Variants in RAET1G observed in about 807,000 individuals in gnomAD.
The protein encoded by RAET1G is UL-16 binding protein 5.
Under a neutral mutation model 29.5 loss-of-function variants are expected in RAET1G, and 25 were observed. The ratio of observed to expected loss-of-function variants is 0.85; its 90% confidence interval spans 0.62 to 1.18. RAET1G has a LOEUF of 1.18. RAET1G is among the 50% of genes most tolerant of loss of function. The pLI, the probability that RAET1G is intolerant of heterozygous loss-of-function variation, is 0.00. For missense variants in RAET1G, 434 were observed against 423.6 expected (o/e 1.02, Z -0.22); for synonymous variants, 167 against 159.5 (o/e 1.05, Z -0.36).
Position 149,918,381 on chromosome 6 carries a change from G to A in RAET1G, c.635C>T (p.Pro212Leu). Residue 212 changes from proline to leucine, a missense_variant, in exon 4 of 5, where the codon CCA (proline) becomes CTA (leucine). By Grantham distance (98) the Pro-to-Leu change is moderately conservative. Transcript: ENST00000367360. ...GGCTGTGCCTGAGGACATGGTGGGT[G>A]GTGCTGAAATGGAAGCACAAGAGTG... ...DSTLEPSAGA[P>L]PTMSSGTAQP... 1.2e-6 allele frequency: 2 copies of A among 1,614,050 alleles called. No individual in the cohort carries two copies. Among genetic ancestry groups the A allele is most frequent in the Non-Finnish European group, 1.7e-6 (2 of 1,179,926 alleles).
chr6:149,919,873 T>C, intron 1 of RAET1G, 57 bp from the exon 2 acceptor site: 5 of 1,611,848 alleles, frequency 3.1e-6, no homozygotes, highest in Non-Finnish European at 4.2e-6. Context: ...TAGATACCCC[T>C]CCTCCACACT....
intron 1 of RAET1G, among the ~76,000 whole-genome samples, chr6:149,921,458 G>T (rs565348487): frequency 6.6e-6 from 1 of 152,226 alleles, no homozygotes; most frequent in Admixed American, 6.5e-5. Context: ...TGCCCATTAC[G>T]GGTGGGCTCC....
rs768283604 is a variant in RAET1G, at chr6:149,916,908, A to G, written c.*4T>C. On this transcript the variant is annotated 3_prime_UTR_variant, in exon 5 of 5. Transcript: ENST00000367360. Reference sequence around the variant, plus strand: ...AAGAAAAGACAGCTGGGCCCAGGGAACCATCAAGATATGGAGACCTGTAGT... The same window carrying G: ...AAGAAAAGACAGCTGGGCCCAGGGAGCCATCAAGATATGGAGACCTGTAGT... 9.3e-6 allele frequency: 14 copies of G among 1,506,906 alleles called. No individual in the cohort carries two copies. The African/African-American group carries it at 1.7e-4, about 18-fold the overall frequency. 93.3% of individuals were successfully genotyped at this position (1,506,906 alleles called of 1,614,324 possible).
At chr6:149,919,937 T>C (rs1388412845) in intron 1 of RAET1G, 121 bp from the exon 2 acceptor site, 40 of 1,593,132 alleles carry the variant, frequency 2.5e-5, no homozygotes, top group Middle Eastern at 2.3e-4. Flanking sequence ...AAGGAGTGCC[T>C]CCTCCAGAAC....
Position 149,919,585 on chromosome 6 carries a change from A to C in RAET1G, c.317T>G (p.Leu106Arg), listed in dbSNP as rs759946005. The C allele has an allele frequency of 3.3e-5, 54 of 1,613,872 alleles. No homozygotes were observed. The highest frequency in any genetic ancestry group is 4.4e-5 in the South Asian group (4 of 91,080). Residue 106 changes from leucine to arginine, a missense_variant, in exon 2 of 5, where the codon CTT (leucine) becomes CGT (arginine). Coordinates refer to ENST00000367360, the MANE Select transcript of RAET1G (RefSeq NM_001001788.4). ...TATGTAATTCTCCAGCTGAATGTCA[A>C]GCAGTTGCTCTGTAAGTATGTCCAC... ...EVVDILTEQL[L>R]DIQLENYIPK...
intron 3 of RAET1G, 56 bp from the exon 4 acceptor site, chr6:149,918,440 TG>T: frequency 6.5e-7 from 1 of 1,546,760 alleles, no homozygotes; most frequent in South Asian, 1.1e-5. Context: ...TCTGAGGAGA[TG>T]CCTCCTCAGC....
intron 4 of RAET1G, 94 bp from the exon 5 acceptor site, chr6:149,917,168 A>G: frequency 7.0e-7 from 1 of 1,426,074 alleles, no homozygotes; most frequent in Non-Finnish European, 9.2e-7. Flanking sequence ...ACCGCTATCT[A>G]GAAGGCGGAG....
chr6:149,917,106 C>A, intron 4 of RAET1G, 32 bp from the exon 5 acceptor site: 1 of 1,516,826 alleles, frequency 6.6e-7, no homozygotes, highest in South Asian at 1.3e-5. Flanking sequence ...CAGCTTACGT[C>A]ATTGTTTCTT....
chr6:149,923,119 A>C lies in RAET1G; in HGVS notation c.-109T>G, dbSNP rs73782150. On this transcript the variant is annotated 5_prime_UTR_variant, in exon 1 of 5. Transcript: ENST00000367360. ...CCGTCTGAATGCAGCCCTAAACTCCAGTAAGCCCTAAACTCTAGCACTCCT... is the reference window on the plus strand; with the variant it reads ...CCGTCTGAATGCAGCCCTAAACTCCCGTAAGCCCTAAACTCTAGCACTCCT... The C allele has an allele frequency of 0.011, 8,388 of 729,756 alleles. 545 individuals carry two copies. The African/African-American group carries it at 0.14, about 12-fold the overall frequency. 45.2% of individuals were successfully genotyped at this position (729,756 alleles called of 1,614,324 possible). A position where few individuals can be genotyped will look rare whatever the true frequency, so the allele number is the denominator to read the frequency against.
chr6:149,920,751 C>G (rs146529055), intron 1 of RAET1G, among the ~76,000 whole-genome samples: 2,116 of 152,300 alleles, frequency 0.014, 21 homozygotes, highest in Middle Eastern at 0.051. Flanking sequence ...ACAATGCCAG[C>G]TGGAGACCTC....
chr6:149,917,139 T>G (rs1345225585), intron 4 of RAET1G, 65 bp from the exon 5 acceptor site: 15 of 1,456,728 alleles, frequency 1.0e-5, no homozygotes, highest in Non-Finnish European at 1.3e-5. Context: ...CGGACTTCAA[T>G]ACTTTCACTA....
At chr6:149,918,443 C>T in intron 3 of RAET1G, 59 bp from the exon 4 acceptor site, 1 of 1,548,148 alleles carries the variant, frequency 6.5e-7, no homozygotes, top group Non-Finnish European at 8.9e-7. Context: ...GAGGAGATGC[C>T]TCCTCAGCTC....
At chr6:149,918,420 A>G (rs1778504639) in intron 3 of RAET1G, 36 bp from the exon 4 acceptor site, 5 of 1,602,166 alleles carry the variant, frequency 3.1e-6, no homozygotes, top group Non-Finnish European at 4.3e-6. Flanking sequence ...ACCCTTGTCC[A>G]GGCCCCAAAT....
intron 1 of RAET1G, among the ~76,000 whole-genome samples, chr6:149,922,394 T>A (rs1449786395): frequency 1.5e-4 from 23 of 151,988 alleles, no homozygotes; most frequent in Admixed American, 1.4e-3. Flanking sequence ...GTGGGAAGTG[T>A]CTGCTGAGCC....
chr6:149,918,151 C>T (rs775709606), intron 4 of RAET1G, 23 bp downstream of exon 4: 6 of 1,608,156 alleles, frequency 3.7e-6, no homozygotes, highest in Non-Finnish European at 5.1e-6. Flanking sequence ...CCCTTTGCTC[C>T]ACTCCCAATT....
At position 149,919,268 on chromosome 6, in the gene RAET1G, T is replaced by A. The variant is rs751786480; in HGVS notation, c.406A>T (p.Ser136Cys). 139 of 1,614,122 alleles carry A rather than the reference T, an allele frequency of 8.6e-5. No homozygotes were observed. The highest frequency in any genetic ancestry group is 1.1e-4 in the Non-Finnish European group (135 of 1,180,048). ...SCEQKAEGHG[S>C]GSWQLSFDGQ... is the part of the protein sequence containing the mutation. The stretch of plus-strand genomic sequence containing the variant: ...TCGAAACTGAGCTGCCAAGATCCAC[T>A]GCCGTGTCCTTCGGCTTTCTGCTCA... The change falls in exon 3 of 5, where the codon AGT becomes TGT. Residue 136 changes from serine (S) to cysteine (C), a missense_variant. Physicochemically the swap from Ser to Cys is moderately radical, Grantham distance 112. Coordinates refer to ENST00000367360, the MANE Select transcript of RAET1G (RefSeq NM_001001788.4).
chr6:149,920,769 CA>C (rs1221781456), intron 1 of RAET1G, among the ~76,000 whole-genome samples: 1 of 152,186 alleles, frequency 6.6e-6, no homozygotes, highest in African/African-American at 2.4e-5. Flanking sequence ...CTCAGTCATA[CA>C]AAGCTATGCC....
At position 149,920,802 on chromosome 6, in the gene RAET1G, G is replaced by A. The variant is rs1213147827; in HGVS notation, c.86-986C>T. On this transcript the variant is annotated intron_variant, in intron 1 of 4. Transcript: ENST00000367360. ...TGCCCATGGCTCATAGAACAAAGGG[G>A]TCCAAGATCCAGAAGAGATGGAAAC... 2.0e-5 allele frequency among the ~76,000 whole-genome samples: 3 copies of A among 152,292 alleles called. No individual in the cohort carries two copies. In the South Asian group the frequency reaches 6.2e-4, roughly 32 times the overall value.
At chr6:149,918,951 C>G (rs1206203859) in intron 3 of RAET1G, 92 bp downstream of exon 3, 1 of 1,577,876 alleles carries the variant, frequency 6.3e-7, no homozygotes, top group Non-Finnish European at 8.6e-7. Context: ...AACGTGTACA[C>G]TGGGATGATT....
Sources: allele counts gnomAD v4.1 joint callset (sites outside exome capture counted in the v4.1 genomes callset), GRCh38; gene constraint gnomAD v4.1.1; transcripts MANE v1.5; gene names NCBI Gene and HGNC (gene_info 2026-07-23, HGNC 2026-07-21).